The following GFM2 variants were observed in gnomAD, a reference collection of about 807,000 sequenced individuals.
GFM2 encodes the protein ribosome-releasing factor 2, mitochondrial.
In GFM2, 72 loss-of-function variants were observed where a neutral mutation model predicts 95.4. That is an observed-to-expected ratio of 0.76 (90% CI 0.62 to 0.92). The LOEUF is 0.92. Among genes scored for constraint, GFM2 ranks in the 40% least tolerant of loss-of-function variants. The pLI is 0.00. For synonymous variants in GFM2, 276 were observed against 317.5 expected, an observed-to-expected ratio of 0.87 and a Z score of 1.39; for missense variants, 825 against 924.1, an observed-to-expected ratio of 0.89 and a Z score of 1.39.
Position 74,740,146 on chromosome 5 carries a change from C to A in GFM2, c.931-9G>T. 6.3e-7 allele frequency: 1 copy of A among 1,590,034 alleles called. No individual in the cohort carries two copies. The highest frequency in any genetic ancestry group is 1.2e-5 in the South Asian group (1 of 86,172). On this transcript the variant is annotated splice_polypyrimidine_tract_variant and intron_variant, in intron 11 of 20. Transcript: ENST00000296805. ...TGTATTGCAGTCTGTAGCTACAGAGCAGAGATACAAATGAGCATTTATTTT... is the reference window on the plus strand; with the variant it reads ...TGTATTGCAGTCTGTAGCTACAGAGAAGAGATACAAATGAGCATTTATTTT...
Position 74,767,060 on chromosome 5 carries a change from G to A in GFM2, c.-147C>T. The stretch of plus-strand genomic sequence containing the variant: ...GACGCCAGCCTAGGCAAAAGGCAAT[G>A]TATCTAAACGAAAAGAAAATAGGCT... On this transcript the variant is annotated 5_prime_UTR_variant, in exon 1 of 21. Transcript: ENST00000296805. 2 of 388,496 alleles carry A rather than the reference G, an allele frequency of 5.1e-6. No homozygotes were observed. Among genetic ancestry groups the A allele is most frequent in the Non-Finnish European group, 4.8e-6 (1 of 209,188 alleles). 24.1% of individuals were successfully genotyped at this position (388,496 alleles called of 1,614,324 possible).
At chr5:74,761,069 C>A (rs545249771) in intron 2 of GFM2, 83 bp from the exon 3 acceptor site, 4 of 780,876 alleles carry the variant, frequency 5.1e-6, no homozygotes, top group African/African-American at 1.8e-5. Context: ...TACGCTTTGT[C>A]AGAAGATAAA....
At chr5:74,727,485 C>G (rs974676081) in intron 17 of GFM2, among the ~76,000 whole-genome samples, 1 of 152,184 alleles carries the variant, frequency 6.6e-6, no homozygotes, top group Non-Finnish European at 1.5e-5. Flanking sequence ...CAGCCCTACT[C>G]CCCAACTTCT....
chr5:74,762,041 A>C (rs1744309513), intron 2 of GFM2, among the ~76,000 whole-genome samples: 1 of 152,256 alleles, frequency 6.6e-6, no homozygotes, highest in Non-Finnish European at 1.5e-5. Flanking sequence ...CAGCAATAAA[A>C]GCACTGAAGA....
Position 74,745,861 on chromosome 5 carries a change from T to C in GFM2, c.670-4A>G. The C allele has an allele frequency of 6.2e-7, 1 of 1,606,060 alleles. No homozygotes were observed. Among genetic ancestry groups the C allele is most frequent in the African/African-American group, 1.3e-5 (1 of 74,668 alleles). ...TTTTGGCTTCACCAATTGGTAACTGTAAGTCAGAGTGAGATTAACATTATT... is the reference window on the plus strand; with the variant it reads ...TTTTGGCTTCACCAATTGGTAACTGCAAGTCAGAGTGAGATTAACATTATT... On this transcript the variant is annotated splice_region_variant and splice_polypyrimidine_tract_variant and intron_variant, in intron 9 of 20. Coordinates refer to ENST00000296805, the MANE Select transcript of GFM2 (RefSeq NM_032380.5).
At chr5:74,722,349 A>G (rs1198201548) in intron 20 of GFM2, 30 bp downstream of exon 20, 1 of 1,554,734 alleles carries the variant, frequency 6.4e-7, no homozygotes, top group Non-Finnish European at 8.9e-7. Context: ...ATTAAGAAGA[A>G]TATGTACTTT....
chr5:74,721,316 A>G lies in GFM2; in HGVS notation c.*339T>C, dbSNP rs1749866160. On this transcript the variant is annotated 3_prime_UTR_variant, in exon 21 of 21. Coordinates refer to ENST00000296805, the MANE Select transcript of GFM2 (RefSeq NM_032380.5). ...TTTGACCCTCTATCTTATTACATTT[A>G]GAGGCCTGGCATCTTTCTTGTGAGA... 1 of 801,122 alleles carries G rather than the reference A, an allele frequency of 1.2e-6. No individual in the cohort carries two copies. Among genetic ancestry groups the G allele is most frequent in the Non-Finnish European group, 2.2e-6 (1 of 463,238 alleles). The allele number at this position is 801,122 out of a possible 1,614,324, so 49.6% of individuals were successfully genotyped here. A position where few individuals can be genotyped will look rare whatever the true frequency, so the allele number is the denominator to read the frequency against.
chr5:74,737,010 A>G, intron 14 of GFM2, 25 bp from the exon 15 acceptor site: 1 of 1,610,908 alleles, frequency 6.2e-7, no homozygotes, highest in South Asian at 1.1e-5. Flanking sequence ...GATGACTTGG[A>G]ACGAAAGTGG....
chr5:74,748,692 C>G (rs1390616405), intron 7 of GFM2, among the ~76,000 whole-genome samples: 1 of 151,734 alleles, frequency 6.6e-6, no homozygotes, highest in Non-Finnish European at 1.5e-5. Flanking sequence ...TGGTGAAACT[C>G]TGTCTCTACT....
rs138467599 is a variant in GFM2 at position 74,761,734 on chromosome 5, C to A, written c.64-748G>T. Among the ~76,000 whole-genome samples, 844 of 152,252 alleles carry A rather than the reference C, an allele frequency of 5.5e-3. 4 individuals carry two copies. Among genetic ancestry groups the A allele is most frequent in the Non-Finnish European group, 8.9e-3 (607 of 68,026 alleles). ...TCCTCTACCTTAGCTGCTTACCTAA[C>A]CTTCTCATGTTCTCATGTAAAGGCT... On this transcript the variant is annotated intron_variant, in intron 2 of 20. Coordinates refer to ENST00000296805, the MANE Select transcript of GFM2 (RefSeq NM_032380.5).
intron 5 of GFM2, among the ~76,000 whole-genome samples, chr5:74,756,260 T>C (rs753583786): frequency 6.6e-6 from 1 of 151,780 alleles, no homozygotes; most frequent in Non-Finnish European, 1.5e-5. Flanking sequence ...ATTATACATA[T>C]ATGTGTATAT....
rs184071347 is a variant in GFM2, at chr5:74,751,536, T to C, written c.305-43A>G. 5 of 1,489,748 alleles carry C rather than the reference T, an allele frequency of 3.4e-6. No individual in the cohort carries two copies. The African/African-American group carries it at 6.9e-5, about 21-fold the overall frequency. 92.3% of individuals were successfully genotyped at this position (1,489,748 alleles called of 1,614,324 possible). A position where few individuals can be genotyped will look rare whatever the true frequency, so the allele number is the denominator to read the frequency against. Reference sequence around the variant, plus strand: ...GATACAGTTTAGTCTTAATAGCAAGTGTATTTTATTCGTGCTCAATATCTA... The same window carrying C: ...GATACAGTTTAGTCTTAATAGCAAGCGTATTTTATTCGTGCTCAATATCTA... On this transcript the variant is annotated intron_variant, in intron 5 of 20. Transcript: ENST00000296805.
intron 11 of GFM2, among the ~76,000 whole-genome samples, chr5:74,741,222 A>G (rs571027573): frequency 1.3e-5 from 2 of 152,270 alleles, no homozygotes; most frequent in African/African-American, 2.4e-5. Context: ...TGATTTCCCT[A>G]AACATCCTTA....
chr5:74,728,827 G>A (rs539938403), intron 17 of GFM2, among the ~76,000 whole-genome samples: 1 of 130,618 alleles, frequency 7.7e-6, no homozygotes, highest in African/African-American at 2.9e-5. Flanking sequence ...CACGATCTCA[G>A]CTCACTGCAA....
At chr5:74,740,948 A>T (rs7727197) in intron 11 of GFM2, among the ~76,000 whole-genome samples, 5,311 of 152,238 alleles carry the variant, frequency 0.035, 319 homozygotes, top group African/African-American at 0.12. Context: ...TTCATAAAGA[A>T]AAATAAACAG....
Position 74,746,152 on chromosome 5 carries a change from C to A in GFM2, c.622G>T (p.Val208Phe), listed in dbSNP as rs1263215745. The change falls in exon 9 of 21, where the codon GTT becomes TTT. Residue 208 changes from valine (V) to phenylalanine (F), a missense_variant. Coordinates refer to ENST00000296805, the MANE Select transcript of GFM2 (RefSeq NM_032380.5). ...TTTAACTTCTCTCTGATGCTTTCAA[C>A]TGCATACTTAAAGCTGTAGAAAGCA... ...DKTGASFKYA[V>F]ESIREKLKAK... is the part of the protein sequence containing the mutation. 6.5e-7 allele frequency: 1 copy of A among 1,533,980 alleles called. No individual in the cohort carries two copies.
intron 3 of GFM2, 35 bp from the exon 4 acceptor site, chr5:74,759,461 T>C (rs770485054): frequency 4.5e-6 from 5 of 1,107,146 alleles, no homozygotes; most frequent in Non-Finnish European, 6.7e-6. Context: ...AACTGTTACA[T>C]TTATGAAATT....
intron 16 of GFM2, among the ~76,000 whole-genome samples, chr5:74,732,080 G>A (rs1490199554): frequency 1.3e-5 from 2 of 148,996 alleles, no homozygotes; most frequent in South Asian, 2.2e-4. Flanking sequence ...TCAGCATCCT[G>A]AGTCGCTGGG....
intron 7 of GFM2, among the ~76,000 whole-genome samples, 178 bp downstream of exon 7, chr5:74,750,401 T>C (rs1024715610): frequency 1.2e-4 from 18 of 152,336 alleles, no homozygotes; most frequent in Non-Finnish European, 1.6e-4. Flanking sequence ...CCTTTTACTA[T>C]GAAATATCTG....
Sources: allele counts gnomAD v4.1 joint callset (sites outside exome capture counted in the v4.1 genomes callset), GRCh38; gene constraint gnomAD v4.1.1; transcripts MANE v1.5; gene names NCBI Gene and HGNC (gene_info 2026-07-23, HGNC 2026-07-21).